Variants in CRAMP1 observed in about 807,000 individuals in gnomAD.
CRAMP1 encodes the protein cramped chromatin regulator 1, also known as protein cramped-like.
Under a neutral mutation model 115.4 loss-of-function variants are expected in CRAMP1, and 50 were observed. The ratio of observed to expected loss-of-function variants is 0.43; its 90% CI spans 0.35 to 0.55. The LOEUF is 0.55. Ranked by LOEUF, CRAMP1 falls within the 20% of genes least tolerant of loss-of-function variation. The pLI, the probability that CRAMP1 is intolerant of heterozygous loss-of-function variation, is 0.01. For synonymous variants in CRAMP1, 866 were observed against 745.4 expected, an observed-to-expected ratio of 1.16 and a Z score of -2.64; for missense variants, 1,679 against 1,721.7, an observed-to-expected ratio of 0.98 and a Z score of 0.44.
chr16:1,667,278 G>T, intron 16 of CRAMP1, 57 bp from the exon 17 acceptor site: 2 of 1,411,460 alleles, frequency 1.4e-6, no homozygotes, highest in South Asian at 2.3e-5. Context: ...CGCGGGTGAG[G>T]GTATGGGTGG....
chr16:1,676,663 T>A lies in CRAMP1; in HGVS notation c.*2618T>A, dbSNP rs1225706796. On this transcript the variant is annotated 3_prime_UTR_variant, in exon 21 of 21. Transcript: ENST00000397412. Reference sequence around the variant, plus strand: ...AAGCTTTCCTGAATCCCTCTGACGTTGCCTGGGATCTTTCTGTTGATTCGT... The same window carrying A: ...AAGCTTTCCTGAATCCCTCTGACGTAGCCTGGGATCTTTCTGTTGATTCGT... 1.3e-5 allele frequency: 2 copies of A among 152,262 alleles called. No homozygotes were observed. Among genetic ancestry groups the A allele is most frequent in the Non-Finnish European group, 2.9e-5 (2 of 68,052 alleles). 9.4% of individuals were successfully genotyped at this position (152,262 alleles called of 1,614,324 possible).
At position 1,656,007 on chromosome 16, in the gene CRAMP1, A is replaced by G; in HGVS notation, c.1250A>G (p.His417Arg). The change falls in exon 10 of 21, where the codon CAC (histidine) becomes CGC (arginine). Residue 417 changes from histidine (H) to arginine (R), a missense_variant. His to Arg is a conservative substitution (Grantham distance 29). Coordinates refer to ENST00000397412, the MANE Select transcript of CRAMP1 (RefSeq NM_020825.4). This position sits in a 1 kb window ranked among gnomAD's most constrained non-coding sequence, Gnocchi z 5.6. ...TPLPGVARVV[H>R]SKAFCTVHWQ... Reference sequence around the variant, plus strand: ...CTGCCGGGCGTGGCTCGCGTGGTGCACTCCAAGGCCTTCTGCACAGTGCAC... The same window carrying G: ...CTGCCGGGCGTGGCTCGCGTGGTGCGCTCCAAGGCCTTCTGCACAGTGCAC... 1 of 1,612,734 alleles carries G rather than the reference A, an allele frequency of 6.2e-7. No individual in the cohort carries two copies. Among genetic ancestry groups the G allele is most frequent in the Non-Finnish European group, 8.5e-7 (1 of 1,179,844 alleles).
At chr16:1,644,775 G>A (rs546593586) in intron 6 of CRAMP1, among the ~76,000 whole-genome samples, 14 of 152,320 alleles carry the variant, frequency 9.2e-5, no homozygotes, top group African/African-American at 2.6e-4. Flanking sequence ...AGAGCCCCTC[G>A]TTCTGGGTAA....
At chr16:1,654,431 C>T (rs908746025) in intron 8 of CRAMP1, among the ~76,000 whole-genome samples, 1 of 152,106 alleles carries the variant, frequency 6.6e-6, no homozygotes, top group Non-Finnish European at 1.5e-5. Flanking sequence ...AGGCTGGTCT[C>T]GAACTCCTGA....
chr16:1,644,053 G>A (rs753574025), intron 6 of CRAMP1, among the ~76,000 whole-genome samples: 7 of 152,240 alleles, frequency 4.6e-5, no homozygotes, highest in Non-Finnish European at 8.8e-5. Context: ...GAGCTCAGGT[G>A]TGGGCGCTGA....
intron 3 of CRAMP1, 59 bp downstream of exon 3, chr16:1,626,225 C>A: frequency 7.2e-7 from 1 of 1,383,380 alleles, no homozygotes; most frequent in Non-Finnish European, 9.6e-7. Context: ...GATCCCTGCC[C>A]TCCGTTCCCC....
intron 2 of CRAMP1, among the ~76,000 whole-genome samples, chr16:1,616,046 G>A (rs866123856): frequency 1.3e-5 from 2 of 152,130 alleles, no homozygotes; most frequent in Non-Finnish European, 2.9e-5. Context: ...GCTGGCCTCC[G>A]GAATCATGGC....
chr16:1,672,339 A>G lies in CRAMP1; in HGVS notation c.3645+1530A>G, dbSNP rs2036929417. 1.3e-5 allele frequency among the ~76,000 whole-genome samples: 2 copies of G among 152,182 alleles called. No individual in the cohort carries two copies. The highest frequency in any genetic ancestry group is 4.8e-5 in the African/African-American group (2 of 41,428). ...CAGAAAGAGCAGATCAGCGTTTAGC[A>G]TGAGATTTTCCCGAGAGCCCTCCAC... On this transcript the variant is annotated intron_variant, in intron 20 of 20. Transcript: ENST00000397412. This position sits in a 1 kb window ranked among gnomAD's most constrained non-coding sequence, Gnocchi z 4.9.
Position 1,614,825 on chromosome 16 carries a change from C to G in CRAMP1, c.186C>G (p.Pro62=), listed in dbSNP as rs1005589431. 16 of 1,269,512 alleles carry G rather than the reference C, an allele frequency of 1.3e-5. No individual in the cohort carries two copies. The highest frequency in any genetic ancestry group is 1.6e-5 in the Non-Finnish European group (16 of 1,011,934). The allele number at this position is 1,269,512 out of a possible 1,614,324, so 78.6% of individuals were successfully genotyped here. A position where few individuals can be genotyped will look rare whatever the true frequency, so the allele number is the denominator to read the frequency against. Residue 62 remains proline, a synonymous_variant, in exon 2 of 21, where the codon CCC becomes CCG. Transcript: ENST00000397412. The surrounding 1 kb of genome is among the most constrained non-coding windows in gnomAD (Gnocchi z 4.4). ...PRAGADGPPA[P]PGAPQAPSPP... ...CCGGCGCCGACGGCCCCCCCGCGCC[C>G]CCCGGCGCGCCGCAGGCGCCGTCCC... is the stretch of plus-strand genomic sequence containing the variant.
At chr16:1,653,811 ACT>A (rs1190310877) in intron 8 of CRAMP1, among the ~76,000 whole-genome samples, 2 of 124,328 alleles carry the variant, frequency 1.6e-5, no homozygotes, top group African/African-American at 6.3e-5. Flanking sequence ...ATAGAGCAAG[ACT>A]CTGTCTCAAA....
rs1158825490 is a variant in CRAMP1, at chr16:1,675,529, C to G, written c.*1484C>G. On this transcript the variant is annotated 3_prime_UTR_variant, in exon 21 of 21. Coordinates refer to ENST00000397412, the MANE Select transcript of CRAMP1 (RefSeq NM_020825.4). ...GCCCTGGCCCCTCCACTGCTTCTCT[C>G]CCCATCCACAATGGAGAAGGTGAAA... 2 of 152,748 alleles carry G rather than the reference C, an allele frequency of 1.3e-5. No individual in the cohort carries two copies. The highest frequency in any genetic ancestry group is 4.8e-5 in the African/African-American group (2 of 41,488). 9.5% of individuals were successfully genotyped at this position (152,748 alleles called of 1,614,324 possible).
chr16:1,670,373 G>T (rs1457180471), intron 19 of CRAMP1: 10 of 354,622 alleles, frequency 2.8e-5, no homozygotes, highest in Admixed American at 4.7e-5. Context: ...GGGGGTGGGG[G>T]ATGGCAGCGA....
At chr16:1,651,296 C>T (rs1480215622) in intron 6 of CRAMP1, among the ~76,000 whole-genome samples, 1 of 150,760 alleles carries the variant, frequency 6.6e-6, no homozygotes, top group African/African-American at 2.5e-5. Context: ...TGAGGTCACA[C>T]ACAGGTTATG....
In CRAMP1 at chr16:1,659,922, A is replaced by C. The variant is rs369231610; in HGVS notation, c.2272A>C (p.Arg758=). 1 of 1,613,018 alleles carries C rather than the reference A, an allele frequency of 6.2e-7. No homozygotes were observed. The highest frequency in any genetic ancestry group is 1.7e-5 in the Admixed American group (1 of 60,016). The change falls in exon 11 of 21, where the codon AGG becomes CGG. Residue 758 remains arginine (R), a synonymous_variant. Transcript: ENST00000397412. The part of the protein sequence containing the change: ...EANTISTASV[R]PAQEEQSMTP... Reference sequence around the variant, plus strand: ...AAACACCATCTCTACAGCCTCAGTAAGGCCCGCCCAGGAGGAGCAGTCGAT... The same window carrying C: ...AAACACCATCTCTACAGCCTCAGTACGGCCCGCCCAGGAGGAGCAGTCGAT...
In CRAMP1 at chr16:1,668,027, G is replaced by A. The variant is rs376815435; in HGVS notation, c.3168G>A (p.Pro1056=). 3.8e-5 allele frequency: 62 copies of A among 1,613,570 alleles called. No homozygotes were observed. In the Middle Eastern group the frequency reaches 2.8e-3, roughly 73 times the overall value. ...CTCTCCAGAATGGCCTCTCCATACC[G>A]CTGTCCTCGTCAGAGAGCTCCAGCA... The part of the protein sequence containing the change: ...KAPLQNGLSI[P]LSSSESSSTR... Residue 1056 remains proline (P), a synonymous_variant, in exon 18 of 21, where the codon CCG becomes CCA. Coordinates refer to ENST00000397412, the MANE Select transcript of CRAMP1 (RefSeq NM_020825.4).
chr16:1,645,511 A>G (rs1596489798), intron 6 of CRAMP1: 1 of 161,298 alleles, frequency 6.2e-6, no homozygotes, highest in Admixed American at 6.5e-5. Context: ...ATCACAACTC[A>G]TGAGGTTTCC....
chr16:1,632,371 T>C lies in CRAMP1; in HGVS notation c.694+6T>C. Reference sequence around the variant, plus strand: ...GTACATCGACTTTGATCATGGTGAGTGTGCCACGGGCCAGGCTCGGGGGTG... The same window carrying C: ...GTACATCGACTTTGATCATGGTGAGCGTGCCACGGGCCAGGCTCGGGGGTG... On this transcript the variant is annotated splice_donor_region_variant and intron_variant, in intron 4 of 20. Coordinates refer to ENST00000397412, the MANE Select transcript of CRAMP1 (RefSeq NM_020825.4). The C allele has an allele frequency of 6.3e-7, 1 of 1,584,652 alleles. No individual in the cohort carries two copies. Among genetic ancestry groups the C allele is most frequent in the Non-Finnish European group, 8.6e-7 (1 of 1,165,854 alleles).
At chr16:1,655,832 G>T in intron 9 of CRAMP1, 45 bp from the exon 10 acceptor site, 2 of 1,567,836 alleles carry the variant, frequency 1.3e-6, no homozygotes, top group South Asian at 2.4e-5. Flanking sequence ...TCAGCATCCC[G>T]ACCTCAGTGC....
intron 2 of CRAMP1, among the ~76,000 whole-genome samples, chr16:1,620,285 G>A (rs1257517803): frequency 3.3e-5 from 5 of 152,186 alleles, no homozygotes; most frequent in African/African-American, 1.2e-4. Context: ...TCCTGGGAAG[G>A]GTCCCTGCTG....
Sources: gnomAD v4.1 joint callset for allele counts (sites outside exome capture counted in the v4.1 genomes callset) on GRCh38, gnomAD v4.1.1 for gene constraint, Gnocchi (gnomAD v3.1) non-coding constraint, MANE v1.5 for transcripts, NCBI Gene and HGNC (gene_info 2026-07-23, HGNC 2026-07-21) for gene names.